CHMP3: variants seen among roughly 807,000 people sequenced by gnomAD.
The protein encoded by CHMP3 is 25.1 protein.
Under a neutral mutation model 27.4 loss-of-function variants are expected in CHMP3, and 8 were observed. The observed-to-expected ratio is 0.29, with a 90% confidence interval of 0.17 to 0.53. The LOEUF (loss-of-function observed/expected upper bound fraction) is 0.53, where lower values mean the gene tolerates loss of function less well. Ranked by LOEUF, CHMP3 falls within the 20% of genes least tolerant of loss-of-function variation. CHMP3 has a pLI of 0.96. For synonymous variants in CHMP3, 86 were observed against 85.5 expected, an observed-to-expected ratio of 1.01 and a Z score of -0.03; for missense variants, 208 against 271.5, an observed-to-expected ratio of 0.77 and a Z score of 1.64.
intron 2 of CHMP3, among the ~76,000 whole-genome samples, chr2:86,538,936 A>T (rs1676249770): frequency 6.6e-6 from 1 of 152,218 alleles, no homozygotes; most frequent in Non-Finnish European, 1.5e-5. Context: ...AAACACACTC[A>T]TGTAACCAGG....
At chr2:86,548,882 C>CGATGGGCA (rs1261035453) in intron 1 of CHMP3, among the ~76,000 whole-genome samples, 1 of 139,706 alleles carries the variant, frequency 7.2e-6, no homozygotes, top group Non-Finnish European at 1.5e-5. Flanking sequence ...ACATCCCAGA[C>CGATGGGCA]GATGGGCAGC....
intron 3 of CHMP3, among the ~76,000 whole-genome samples, chr2:86,525,734 CAT>C (rs1432203629): frequency 2.0e-5 from 3 of 151,810 alleles, no homozygotes; most frequent in Admixed American, 6.6e-5. Flanking sequence ...CCAGAGTATA[CAT>C]ATGTTTAATT....
At chr2:86,534,089 T>A (rs1354681937) in intron 2 of CHMP3, among the ~76,000 whole-genome samples, 1 of 152,160 alleles carries the variant, frequency 6.6e-6, no homozygotes, top group Non-Finnish European at 1.5e-5. Flanking sequence ...ATTTACAGTC[T>A]AACATATGGT....
At position 86,542,300 on chromosome 2, in the gene CHMP3, A is replaced by G. The variant is rs1430538203; in HGVS notation, c.58T>C (p.Ser20Pro). 1 of 1,613,408 alleles carries G rather than the reference A, an allele frequency of 6.2e-7. No individual in the cohort carries two copies. The highest frequency in any genetic ancestry group is 8.5e-7 in the Non-Finnish European group (1 of 1,179,624). ...KPPKELVNEW[S>P]LKIRKEMRVV... ...CTCATTTCCTTTCTTATCTTCAATG[A>G]CCACTCATTGACCTGGGAAAATTTT... is the stretch of plus-strand genomic sequence containing the variant. Residue 20 changes from serine to proline, a missense_variant, in exon 2 of 6, where the codon TCA (serine) becomes CCA (proline). This residue lies in a region of CHMP3 where 52 missense variants were observed against 43.5 expected (regional missense o/e 1.19). Transcript: ENST00000263856.
At chr2:86,521,594 T>G (rs1312829682) in intron 3 of CHMP3, among the ~76,000 whole-genome samples, 2 of 152,044 alleles carry the variant, frequency 1.3e-5, no homozygotes, top group African/African-American at 4.8e-5. Context: ...CAATCCCCAT[T>G]TCCCCTTACC....
chr2:86,555,204 C>G (rs944515770), intron 1 of CHMP3, among the ~76,000 whole-genome samples: 2 of 152,100 alleles, frequency 1.3e-5, no homozygotes, highest in East Asian at 3.9e-4. Context: ...AGTTAAAATA[C>G]ATGAAATACA....
At chr2:86,523,994 TG>T (rs1331900451) in intron 3 of CHMP3, among the ~76,000 whole-genome samples, 4 of 152,094 alleles carry the variant, frequency 2.6e-5, no homozygotes. Flanking sequence ...CAGACAAAAT[TG>T]ATCATGATAA....
In CHMP3 at chr2:86,534,148, T is replaced by G. The variant is rs924361656; in HGVS notation, c.107-4751A>C. On this transcript the variant is annotated intron_variant, in intron 2 of 5. Coordinates refer to ENST00000263856, the MANE Select transcript of CHMP3 (RefSeq NM_016079.4). ...ATATGTGAGAAGAATGTGTAGTTTG[T>G]TGTTGGGTAGTATTCTGTATACATC... is the stretch of plus-strand genomic sequence containing the variant. Among the ~76,000 whole-genome samples, 5 of 152,124 alleles carry G rather than the reference T, an allele frequency of 3.3e-5. No homozygotes were observed. The South Asian group carries it at 1.0e-3, about 32-fold the overall frequency.
At chr2:86,542,448 G>C (rs948717819) in intron 1 of CHMP3, 136 bp from the exon 2 acceptor site, 9 of 833,924 alleles carry the variant, frequency 1.1e-5, no homozygotes, top group Non-Finnish European at 1.7e-5. Flanking sequence ...CAGAGCTTTA[G>C]GGTCAAATTT....
intron 2 of CHMP3, among the ~76,000 whole-genome samples, chr2:86,532,277 T>C (rs555356849): frequency 6.6e-6 from 1 of 152,320 alleles, no homozygotes; most frequent in African/African-American, 2.4e-5. Flanking sequence ...AAATACAATT[T>C]TTTTTGGTGC....
chr2:86,517,363 G>A (rs964704717), intron 3 of CHMP3, among the ~76,000 whole-genome samples: 3 of 151,508 alleles, frequency 2.0e-5, no homozygotes, highest in South Asian at 2.1e-4. Context: ...TCAGGAGATC[G>A]AGACCATCCT....
chr2:86,541,235 C>T (rs959570213), intron 2 of CHMP3: 1 of 152,080 alleles, frequency 6.6e-6, no homozygotes, highest in Non-Finnish European at 1.5e-5. Context: ...CCTTTATTAG[C>T]TCTAAGAATT....
At chr2:86,558,544 A>C (rs1469082049) in intron 1 of CHMP3, among the ~76,000 whole-genome samples, 1 of 152,118 alleles carries the variant, frequency 6.6e-6, no homozygotes, top group Admixed American at 6.5e-5. Flanking sequence ...TGGAGATACC[A>C]CCCATAATGT....
intron 3 of CHMP3, among the ~76,000 whole-genome samples, chr2:86,517,134 C>A (rs1239437664): frequency 1.3e-4 from 20 of 151,936 alleles, no homozygotes; most frequent in Admixed American, 1.3e-3. Flanking sequence ...AAAATTAAAG[C>A]ATATAAAAAT....
chr2:86,544,321 C>T (rs948406928), intron 1 of CHMP3, among the ~76,000 whole-genome samples: 3 of 150,662 alleles, frequency 2.0e-5, no homozygotes, highest in African/African-American at 4.9e-5. Flanking sequence ...TGGTATCTCA[C>T]TGTTTTGATT....
intron 2 of CHMP3, among the ~76,000 whole-genome samples, chr2:86,534,950 A>G (rs1676068752): frequency 6.6e-6 from 1 of 152,166 alleles, no homozygotes; most frequent in African/African-American, 2.4e-5. Context: ...CTTTAAATCC[A>G]TTTACATTCA....
chr2:86,505,553 G>A lies in CHMP3; in HGVS notation c.*251C>T, dbSNP rs1674857913. 1.6e-5 allele frequency: 6 copies of A among 382,682 alleles called. No homozygotes were observed. The highest frequency in any genetic ancestry group is 4.6e-5 in the Admixed American group (1 of 21,614). 23.7% of individuals were successfully genotyped at this position (382,682 alleles called of 1,614,324 possible). The stretch of plus-strand genomic sequence containing the variant: ...ACCTATATTTTCAGAAGTGCTTCAT[G>A]AGCAGATGGATTTCTTTCCCCTCCC... On this transcript the variant is annotated 3_prime_UTR_variant, in exon 6 of 6. Transcript: ENST00000263856.
intron 3 of CHMP3, among the ~76,000 whole-genome samples, chr2:86,520,951 A>C (rs1165395352): frequency 6.6e-6 from 1 of 152,206 alleles, no homozygotes; most frequent in Non-Finnish European, 1.5e-5. Flanking sequence ...AAAAATGATG[A>C]CATTCCACCA....
intron 1 of CHMP3, 101 bp from the exon 2 acceptor site, chr2:86,542,413 A>G: frequency 8.5e-7 from 1 of 1,181,508 alleles, no homozygotes; most frequent in Non-Finnish European, 1.2e-6. Context: ...TACAGACACA[A>G]AATTTAAAAA....
Sources: allele counts gnomAD v4.1 joint callset (sites outside exome capture counted in the v4.1 genomes callset), GRCh38; gene constraint gnomAD v4.1.1; regional missense constraint gnomAD v4.1.1; transcripts MANE v1.5; gene names NCBI Gene and HGNC (gene_info 2026-07-23, HGNC 2026-07-21).